The following SGCZ variants were observed in gnomAD, a reference collection of about 807,000 sequenced individuals.
SGCZ encodes zeta-sarcoglycan.
SGCZ carries 40 observed loss-of-function variants against 41.3 expected under a neutral mutation model. That is an observed-to-expected ratio of 0.97 (90% CI 0.75 to 1.26). The LOEUF is 1.26. SGCZ is among the 50% of genes most tolerant of loss of function. SGCZ has a pLI of 0.00. For synonymous variants in SGCZ, 206 were observed against 137.5 expected, an observed-to-expected ratio of 1.50 and a Z score of -3.49; for missense variants, 552 against 369.8, an observed-to-expected ratio of 1.49 and a Z score of -4.04.
At chr8:14,281,891 C>T (rs1800455858) in intron 3 of SGCZ, among the ~76,000 whole-genome samples, 1 of 151,846 alleles carries the variant, frequency 6.6e-6, no homozygotes, top group Non-Finnish European at 1.5e-5. Context: ...ATCTAAACCT[C>T]AATGTGCCTC....
chr8:14,882,247 A>C (rs1401062629), intron 1 of SGCZ, among the ~76,000 whole-genome samples: 2 of 152,208 alleles, frequency 1.3e-5, no homozygotes, highest in African/African-American at 2.4e-5. Flanking sequence ...CATTTTCAGA[A>C]GCCGGAACAG....
At chr8:14,773,242 G>C (rs1347627460) in intron 1 of SGCZ, among the ~76,000 whole-genome samples, 1 of 152,110 alleles carries the variant, frequency 6.6e-6, no homozygotes, top group African/African-American at 2.4e-5. Flanking sequence ...AGAAGTGTCT[G>C]TTCATATCTT....
chr8:14,146,027 A>T (rs1343771311), intron 5 of SGCZ, among the ~76,000 whole-genome samples: 2 of 152,332 alleles, frequency 1.3e-5, no homozygotes, highest in South Asian at 4.1e-4. Context: ...ACATTTATTC[A>T]AAAGGACAAT....
chr8:14,423,604 C>A (rs190522917), intron 2 of SGCZ, among the ~76,000 whole-genome samples: 1 of 152,058 alleles, frequency 6.6e-6, no homozygotes, highest in Non-Finnish European at 1.5e-5. Flanking sequence ...TTAGTAGAGA[C>A]AGGGTTTCTC....
At chr8:14,322,946 A>T (rs139590089) in intron 3 of SGCZ, among the ~76,000 whole-genome samples, 1 of 152,138 alleles carries the variant, frequency 6.6e-6, no homozygotes, top group Non-Finnish European at 1.5e-5. Context: ...TAAACTTTTC[A>T]TTTTAAATTT....
At chr8:14,727,728 G>A (rs1021040579) in intron 1 of SGCZ, among the ~76,000 whole-genome samples, 1 of 151,908 alleles carries the variant, frequency 6.6e-6, no homozygotes, top group African/African-American at 2.4e-5. Flanking sequence ...CAGCCAGGAT[G>A]GTCTCGATCT....
intron 3 of SGCZ, among the ~76,000 whole-genome samples, chr8:14,296,819 G>A (rs943432233): frequency 2.6e-5 from 4 of 151,914 alleles, no homozygotes; most frequent in East Asian, 1.9e-4. Flanking sequence ...TTAAAAATAC[G>A]TATCAAAATA....
intron 1 of SGCZ, among the ~76,000 whole-genome samples, chr8:14,901,650 T>C (rs553636056): frequency 6.6e-6 from 1 of 152,216 alleles, no homozygotes; most frequent in Non-Finnish European, 1.5e-5. Context: ...ATATCCTTTG[T>C]ATATGGAAAC....
At chr8:14,468,074 C>T (rs1473088281) in intron 2 of SGCZ, among the ~76,000 whole-genome samples, 2 of 151,942 alleles carry the variant, frequency 1.3e-5, no homozygotes, top group South Asian at 2.1e-4. Context: ...ATTCACAACA[C>T]ATTTTCACTT....
intron 3 of SGCZ, among the ~76,000 whole-genome samples, chr8:14,280,359 G>A (rs938384213): frequency 2.0e-5 from 3 of 151,766 alleles, no homozygotes; most frequent in African/African-American, 7.2e-5. Context: ...GAGAGAATCA[G>A]AATGATTAAG....
intron 1 of SGCZ, among the ~76,000 whole-genome samples, chr8:14,982,172 A>G (rs534932041): frequency 7.3e-6 from 1 of 137,912 alleles, no homozygotes; most frequent in East Asian, 2.2e-4. Context: ...AAAAAAAAAA[A>G]GGAAATGACA....
intron 1 of SGCZ, among the ~76,000 whole-genome samples, chr8:14,887,974 T>C (rs76133581): frequency 0.074 from 11,296 of 152,144 alleles, 594 homozygotes; most frequent in Admixed American, 0.18. Flanking sequence ...TACAGTTCAA[T>C]AGGAGGGATA....
chr8:14,323,940 C>A (rs1034886141), intron 3 of SGCZ, among the ~76,000 whole-genome samples, 163 bp downstream of exon 3: 4 of 152,144 alleles, frequency 2.6e-5, no homozygotes, highest in African/African-American at 9.6e-5. Flanking sequence ...CTAACCTCCA[C>A]TGATTTTCAA....
intron 3 of SGCZ, among the ~76,000 whole-genome samples, chr8:14,275,891 C>T (rs1800212118): frequency 6.6e-6 from 1 of 152,168 alleles, no homozygotes; most frequent in African/African-American, 2.4e-5. Flanking sequence ...CCAGGGTAAA[C>T]ATAGTATCCT....
At chr8:14,207,010 C>T (rs949008164) in intron 4 of SGCZ, among the ~76,000 whole-genome samples, 68 of 152,088 alleles carry the variant, frequency 4.5e-4, no homozygotes, top group African/African-American at 1.3e-3. Flanking sequence ...TATTTTCTGA[C>T]GTTTTTGTGG....
chr8:14,552,500 T>G (rs2117185295), intron 2 of SGCZ, among the ~76,000 whole-genome samples: 1 of 152,192 alleles, frequency 6.6e-6, no homozygotes, highest in East Asian at 1.9e-4. Flanking sequence ...CATAATTTTT[T>G]AAAAGACATG....
intron 1 of SGCZ, among the ~76,000 whole-genome samples, chr8:14,739,723 T>C (rs1425923588): frequency 1.3e-5 from 2 of 152,044 alleles, no homozygotes; most frequent in South Asian, 2.1e-4. Context: ...TTATTTACAA[T>C]TAATCTTCCT....
intron 1 of SGCZ, among the ~76,000 whole-genome samples, chr8:15,012,706 T>C (rs948220881): frequency 2.8e-5 from 4 of 142,980 alleles, no homozygotes; most frequent in Admixed American, 7.2e-5. Context: ...ATATTTTATA[T>C]AAATGTTATA....
At chr8:14,708,970 T>G (rs141560714) in intron 1 of SGCZ, among the ~76,000 whole-genome samples, 216 of 152,224 alleles carry the variant, frequency 1.4e-3, no homozygotes, top group African/African-American at 4.8e-3. Context: ...ATACCCAGAA[T>G]TTTGTTCATC....
Sources: gnomAD v4.1 joint callset for allele counts (sites outside exome capture counted in the v4.1 genomes callset) on GRCh38, gnomAD v4.1.1 for gene constraint, MANE v1.5 for transcripts, NCBI Gene and HGNC (gene_info 2026-07-23, HGNC 2026-07-21) for gene names.